The following NGRN variants were observed in gnomAD, a reference collection of about 807,000 sequenced individuals.
NGRN encodes neugrin.
NGRN carries 12 observed loss-of-function variants against 13.1 expected under a neutral mutation model. The ratio of observed to expected loss-of-function variants is 0.92; its 90% confidence interval spans 0.59 to 1.49. The LOEUF (loss-of-function observed/expected upper bound fraction) is 1.49. Among genes scored for constraint, NGRN ranks in the 40% most tolerant of loss-of-function variants. NGRN has a pLI of 0.00. For synonymous variants in NGRN, 149 were observed against 145.8 expected, an observed-to-expected ratio of 1.02 and a Z score of -0.16; for missense variants, 397 against 357.0, an observed-to-expected ratio of 1.11 and a Z score of -0.90.
At chr15:90,268,987 T>C (rs1963467566) in intron 2 of NGRN, among the ~76,000 whole-genome samples, 1 of 91,894 alleles carries the variant, frequency 1.1e-5, no homozygotes, top group Non-Finnish European at 2.0e-5. Context: ...TGACACTGAT[T>C]CTCTCTTTTT....
rs370343819 is a variant in NGRN, at chr15:90,265,823, G to T, written c.111G>T (p.Pro37=). The T allele has an allele frequency of 1.7e-5, 27 of 1,609,740 alleles. No individual in the cohort carries two copies. The highest frequency in any genetic ancestry group is 2.3e-5 in the Non-Finnish European group (27 of 1,178,234). ...GCCCAGGCCCTATTGGCCGGGAGCCGGACCCCGATTCCGACTGGGAGCCGG... is the reference window on the plus strand; with the variant it reads ...GCCCAGGCCCTATTGGCCGGGAGCCTGACCCCGATTCCGACTGGGAGCCGG... ...VAGPGPIGRE[P]DPDSDWEPEE... Residue 37 remains proline (P), a synonymous_variant, in exon 1 of 3, where the codon CCG becomes CCT. Transcript: ENST00000379095.
chr15:90,271,370 T>G lies in NGRN; in HGVS notation c.458T>G (p.Leu153Arg). Residue 153 changes from leucine (L) to arginine (R), a missense_variant, in exon 3 of 3, where the codon CTC (leucine) becomes CGC (arginine). Leu to Arg is a moderately radical substitution (Grantham distance 102). Coordinates refer to ENST00000379095, the MANE Select transcript of NGRN (RefSeq NM_001033088.3). ...GGGCTTGCCCACTCGCTGCAGCACC[T>G]CCGGGGCTCTGGAAATACCTCAAAG... ...KAGLAHSLQH[L>R]RGSGNTSKLL... is the part of the protein sequence containing the mutation. 6.2e-7 allele frequency: 1 copy of G among 1,613,980 alleles called. No individual in the cohort carries two copies.
rs1307240803 is a variant in NGRN, at chr15:90,271,411, C to T, written c.499C>T (p.His167Tyr). 1 of 1,614,030 alleles carries T rather than the reference C, an allele frequency of 6.2e-7. No homozygotes were observed. The highest frequency in any genetic ancestry group is 2.2e-5 in the East Asian group (1 of 44,884). Residue 167 changes from histidine to tyrosine, a missense_variant, in exon 3 of 3, where the codon CAC (histidine) becomes TAC (tyrosine). His to Tyr is a moderately conservative substitution (Grantham distance 83). Coordinates refer to ENST00000379095, the MANE Select transcript of NGRN (RefSeq NM_001033088.3). ...GNTSKLLPAG[H>Y]SVSGSLLMPG... ...TACCTCAAAGCTGCTCCCTGCAGGCCACTCTGTATCAGGCTCTTTGCTTAT... is the reference window on the plus strand; with the variant it reads ...TACCTCAAAGCTGCTCCCTGCAGGCTACTCTGTATCAGGCTCTTTGCTTAT...
intron 1 of NGRN, 82 bp from the exon 2 acceptor site, chr15:90,266,206 C>T (rs1434355467): frequency 5.3e-6 from 8 of 1,522,558 alleles, no homozygotes; most frequent in African/African-American, 1.4e-5. Flanking sequence ...GAGGGCTGGG[C>T]GCTCCATGAT....
chr15:90,265,951 C>G, intron 1 of NGRN, 75 bp downstream of exon 1: 1 of 1,429,440 alleles, frequency 7.0e-7, no homozygotes, highest in South Asian at 1.5e-5. Context: ...GCCCCCTTGG[C>G]GCCGGGTGTC....
At chr15:90,266,955 A>C (rs1413272987) in intron 2 of NGRN, among the ~76,000 whole-genome samples, 1 of 151,860 alleles carries the variant, frequency 6.6e-6, no homozygotes, top group South Asian at 2.1e-4. Context: ...AAAGTATTAC[A>C]TATGGCTCAA....
rs764940839 is a variant in NGRN at position 90,265,687 on chromosome 15, A to G, written c.-26A>G. 14 of 1,612,528 alleles carry G rather than the reference A, an allele frequency of 8.7e-6. No homozygotes were observed. Among genetic ancestry groups the G allele is most frequent in the Non-Finnish European group, 1.2e-5 (14 of 1,179,628 alleles). On this transcript the variant is annotated 5_prime_UTR_variant, in exon 1 of 3. Transcript: ENST00000379095. ...TACTTCCGCTGCTGTTTCGTAGCCG[A>G]CTGCTGAAGGCTGGTTTGCGTCGAC...
intron 2 of NGRN, among the ~76,000 whole-genome samples, chr15:90,268,792 AT>A (rs1963463721): frequency 1.3e-5 from 2 of 150,580 alleles, no homozygotes; most frequent in African/African-American, 4.9e-5. Context: ...TTAAATTAAA[AT>A]ATATATATAT....
rs1199634597 is a variant in NGRN at position 90,271,634 on chromosome 15, C to T, written c.722C>T (p.Ser241Phe). The T allele has an allele frequency of 2.5e-6, 4 of 1,614,084 alleles. No individual in the cohort carries two copies. The African/African-American group carries it at 5.3e-5, about 22-fold the overall frequency. ...PRELQKYSSD[S>F]ESPRGTGSGA... ...GAGCTGCAGAAGTACTCCAGTGATT[C>T]TGAGAGCCCCAGAGGAACTGGCAGT... The change falls in exon 3 of 3, where the codon TCT becomes TTT. Residue 241 changes from serine (S) to phenylalanine (F), a missense_variant. By Grantham distance (155) the Ser-to-Phe change is radical (BLOSUM62 -2). Transcript: ENST00000379095.
At chr15:90,269,970 C>T (rs1012002004) in intron 2 of NGRN, among the ~76,000 whole-genome samples, 1 of 152,240 alleles carries the variant, frequency 6.6e-6, no homozygotes, top group Non-Finnish European at 1.5e-5. Flanking sequence ...TTGACTGTCT[C>T]ACTCGAGACT....
rs1051926458 is a variant in NGRN, at chr15:90,266,207, G to C, written c.165-81G>C. On this transcript the variant is annotated intron_variant, in intron 1 of 2. Coordinates refer to ENST00000379095, the MANE Select transcript of NGRN (RefSeq NM_001033088.3). ...GCGATCAAAGAGAAGAGGGCTGGGC[G>C]CTCCATGATTTAGCCTGAGGCTCTT... is the stretch of plus-strand genomic sequence containing the variant. 2.2e-5 allele frequency: 33 copies of C among 1,524,954 alleles called. No homozygotes were observed. In the African/African-American group the frequency reaches 3.2e-4, roughly 15 times the overall value. The allele number at this position is 1,524,954 out of a possible 1,614,324, so 94.5% of individuals were successfully genotyped here.
Position 90,271,214 on chromosome 15 carries a change from C to T in NGRN, c.302C>T (p.Ser101Phe). 5 of 1,613,946 alleles carry T rather than the reference C, an allele frequency of 3.1e-6. No individual in the cohort carries two copies. The South Asian group carries it at 5.5e-5, about 18-fold the overall frequency. The change falls in exon 3 of 3, where the codon TCC (serine) becomes TTC (phenylalanine). Residue 101 changes from serine to phenylalanine, a missense_variant. Ser to Phe is a radical substitution (Grantham distance 155). Transcript: ENST00000379095. ...TATTTACATGAGGAATTTCCAGAGTCCTGGTCAGTTCCCAGGTTGGCTGAA... is the reference window on the plus strand; with the variant it reads ...TATTTACATGAGGAATTTCCAGAGTTCTGGTCAGTTCCCAGGTTGGCTGAA... ...IRYLHEEFPE[S>F]WSVPRLAEGF...
chr15:90,265,898 C>T, intron 1 of NGRN, 22 bp downstream of exon 1: 1 of 1,515,330 alleles, frequency 6.6e-7, no homozygotes, highest in Non-Finnish European at 8.8e-7. Flanking sequence ...TCCCCGGGCC[C>T]TCAGCTTGAA....
rs1963508001 is a variant in NGRN at position 90,271,702 on chromosome 15, G to A, written c.790G>A (p.Glu264Lys). The A allele has an allele frequency of 1.2e-6, 2 of 1,614,114 alleles. No individual in the cohort carries two copies. Among genetic ancestry groups the A allele is most frequent in the Admixed American group, 1.7e-5 (1 of 59,992 alleles). Residue 264 changes from glutamate (E) to lysine (K), a missense_variant, in exon 3 of 3, where the codon GAG becomes AAG. By Grantham distance (56) the Glu-to-Lys change is moderately conservative (BLOSUM62 1). Transcript: ENST00000379095. Reference sequence around the variant, plus strand: ...TCAGAAGCTGGAGGAGTTGAAGGCAGAGGAGCCAGATAACTTCAGCAGCAA... The same window carrying A: ...TCAGAAGCTGGAGGAGTTGAAGGCAAAGGAGCCAGATAACTTCAGCAGCAA... ...SGQKLEELKA[E>K]EPDNFSSKVV...
At chr15:90,266,422 G>T in intron 2 of NGRN, 24 bp downstream of exon 2, 1 of 1,586,562 alleles carries the variant, frequency 6.3e-7, no homozygotes, top group Non-Finnish European at 8.6e-7. Context: ...TACCTTGTTT[G>T]TATCCGCTGT....
chr15:90,266,514 C>T (rs185699730), intron 2 of NGRN, 116 bp downstream of exon 2: 9 of 759,582 alleles, frequency 1.2e-5, no homozygotes, highest in African/African-American at 3.6e-5. Context: ...TACTTTTTGT[C>T]GTTGAAATTT....
Position 90,271,202 on chromosome 15 carries a change from A to C in NGRN, c.290A>C (p.Glu97Ala), listed in dbSNP as rs749802564. The C allele has an allele frequency of 1.1e-5, 17 of 1,610,816 alleles. No homozygotes were observed. Among genetic ancestry groups the C allele is most frequent in the Non-Finnish European group, 1.4e-5 (17 of 1,178,640 alleles). Reference protein sequence around the residue: ...AMEQIRYLHEEFPESWSVPRL... With the variant: ...AMEQIRYLHEAFPESWSVPRL... ...TCTTCCCGTAGGTATTTACATGAGG[A>C]ATTTCCAGAGTCCTGGTCAGTTCCC... Residue 97 changes from glutamate to alanine, a missense_variant, in exon 3 of 3, where the codon GAA becomes GCA. Coordinates refer to ENST00000379095, the MANE Select transcript of NGRN (RefSeq NM_001033088.3).
At chr15:90,268,713 A>G (rs1963462799) in intron 2 of NGRN, among the ~76,000 whole-genome samples, 1 of 152,066 alleles carries the variant, frequency 6.6e-6, no homozygotes, top group African/African-American at 2.4e-5. Flanking sequence ...TGCTAGGCTC[A>G]AAAAGACACT....
Position 90,271,238 on chromosome 15 carries a change from A to G in NGRN, c.326A>G (p.Glu109Gly), listed in dbSNP as rs1361238623. ...PESWSVPRLAEGFDVSTDVIR... is the reference protein window; with the variant it reads ...PESWSVPRLAGGFDVSTDVIR... ...TCCTGGTCAGTTCCCAGGTTGGCTG[A>G]AGGCTTTGATGTCAGCACTGATGTG... The change falls in exon 3 of 3, where the codon GAA becomes GGA. Residue 109 changes from glutamate to glycine, a missense_variant. Physicochemically the swap from Glu to Gly is moderately conservative, Grantham distance 98 (BLOSUM62 -2). Coordinates refer to ENST00000379095, the MANE Select transcript of NGRN (RefSeq NM_001033088.3). 6.8e-6 allele frequency: 11 copies of G among 1,614,062 alleles called. No individual in the cohort carries two copies. The Admixed American group carries it at 1.3e-4, about 20-fold the overall frequency.
Sources: allele counts gnomAD v4.1 joint callset (sites outside exome capture counted in the v4.1 genomes callset), GRCh38; gene constraint gnomAD v4.1.1; transcripts MANE v1.5; gene names NCBI Gene and HGNC (gene_info 2026-07-23, HGNC 2026-07-21).